RGS5: variants seen among roughly 807,000 people sequenced by gnomAD.
The protein encoded by RGS5 is regulator of G protein signaling 5.
In RGS5, 20 loss-of-function variants were observed where a neutral mutation model predicts 18.9. The observed-to-expected ratio is 1.06, with a 90% CI of 0.74 to 1.54. The LOEUF is 1.54. Ranked by LOEUF, RGS5 falls within the 40% of genes most tolerant of loss-of-function variation. The pLI, the probability that RGS5 is intolerant of heterozygous loss-of-function variation, is 0.00. For synonymous variants in RGS5, 57 were observed against 76.2 expected, an observed-to-expected ratio of 0.75 and a Z score of 1.31; for missense variants, 201 against 211.8, an observed-to-expected ratio of 0.95 and a Z score of 0.32.
chr1:163,147,201 G>A lies in RGS5; in HGVS notation c.*141C>T, dbSNP rs145740219. 662 of 832,918 alleles carry A rather than the reference G, an allele frequency of 7.9e-4. 1 individual carries two copies. The African/African-American group carries it at 0.01, about 13-fold the overall frequency. The allele number at this position is 832,918 out of a possible 1,614,324, so 51.6% of individuals were successfully genotyped here. On this transcript the variant is annotated 3_prime_UTR_variant, in exon 5 of 5. Coordinates refer to ENST00000313961, the MANE Select transcript of RGS5 (RefSeq NM_003617.4). ...ATCCAAAGCAGTGTGGGCAAAAAGA[G>A]TAAGCAACATCCCCTGGGATTTTTC...
At chr1:163,282,005 G>A (rs979417077) in intron 2 of RGS5, among the ~76,000 whole-genome samples, 2 of 151,848 alleles carry the variant, frequency 1.3e-5, no homozygotes, top group Non-Finnish European at 2.9e-5. Flanking sequence ...TATTGTTGTA[G>A]GCAAAGATAT....
At chr1:163,204,515 A>G (rs1159661845), upstream of RGS5, among the ~76,000 whole-genome samples, 1 of 152,100 alleles carries the variant, frequency 6.6e-6, no homozygotes, top group Non-Finnish European at 1.5e-5. Flanking sequence ...ATGCCTAGCT[A>G]GTTTTTAAAT....
chr1:163,283,495 G>C (rs1451995909), intron 2 of RGS5, among the ~76,000 whole-genome samples: 1 of 152,104 alleles, frequency 6.6e-6, no homozygotes, highest in Non-Finnish European at 1.5e-5. Context: ...TCTGTGATGT[G>C]CAGGCTCTAA....
Position 163,182,842 on chromosome 1 carries a change from A to AT in RGS5, c.45-14475dup, listed in dbSNP as rs1342996961. Among the ~76,000 whole-genome samples the AT allele has an allele frequency of 5.3e-5, 8 of 152,142 alleles. 1 individual carries two copies. Among genetic ancestry groups the AT allele is most frequent in the Admixed American group, 3.9e-4 (6 of 15,262 alleles). ...GTGTCTCCATGTCCTCCTGCTTTGA[A>AT]TTATACTGCGGGACTTTATAGACTG... On this transcript the variant is annotated intron_variant, in intron 1 of 4. Coordinates refer to ENST00000313961, the MANE Select transcript of RGS5 (RefSeq NM_003617.4).
chr1:163,280,369 G>C (rs74696436), intron 2 of RGS5, among the ~76,000 whole-genome samples: 5,151 of 152,062 alleles, frequency 0.034, 136 homozygotes, highest in Non-Finnish European at 0.056. Context: ...GCAATTCAAT[G>C]AATGTGATAA....
intron 2 of RGS5, chr1:163,266,724 C>G (rs956011236): frequency 6.6e-6 from 1 of 152,046 alleles, no homozygotes; most frequent in Non-Finnish European, 1.5e-5. Flanking sequence ...CTTGTCTGGA[C>G]TTATTTCACT....
intron 2 of RGS5, among the ~76,000 whole-genome samples, chr1:163,229,285 A>G (rs866901418): frequency 6.6e-6 from 1 of 152,218 alleles, no homozygotes; most frequent in Middle Eastern, 3.4e-3. Flanking sequence ...CAGGGGAGAG[A>G]ATGAGTGCAA....
At chr1:163,245,964 C>T (rs1647918400) in intron 2 of RGS5, among the ~76,000 whole-genome samples, 1 of 152,168 alleles carries the variant, frequency 6.6e-6, no homozygotes, top group Admixed American at 6.5e-5. Flanking sequence ...GCCTGTAATC[C>T]CAGCATTTTG....
chr1:163,151,731 C>T (rs1306622193), intron 4 of RGS5, among the ~76,000 whole-genome samples: 1 of 152,214 alleles, frequency 6.6e-6, no homozygotes, highest in Non-Finnish European at 1.5e-5. Context: ...CCATGCGGAA[C>T]TGTGAGTCAA....
intron 2 of RGS5, 151 bp from the exon 3 acceptor site, chr1:163,162,127 C>G (rs1267715055): frequency 1.6e-6 from 1 of 609,608 alleles, no homozygotes; most frequent in Admixed American, 2.9e-5. Flanking sequence ...TATTTTCTCT[C>G]TAACAATTGG....
At chr1:163,318,193 G>A (rs1418523007) in intron 1 of RGS5, among the ~76,000 whole-genome samples, 2 of 152,168 alleles carry the variant, frequency 1.3e-5, no homozygotes, top group Non-Finnish European at 2.9e-5. Context: ...TGAATGCGAA[G>A]TGGGTAGGAT....
chr1:163,253,872 T>C lies in RGS5; in HGVS notation c.-281+52361A>G, dbSNP rs185886237. On this transcript the variant is annotated intron_variant, in intron 2 of 5. Coordinates refer to the RGS5 transcript ENST00000618415. ...GTGTCCATGTGTTCTCATTGTTCAG[T>C]TCCTACCTATGAGTGAGAATATGCA... Among the ~76,000 whole-genome samples, 166 of 150,992 alleles carry C rather than the reference T, an allele frequency of 1.1e-3. 1 individual carries two copies. Among genetic ancestry groups the C allele is most frequent in the African/African-American group, 3.8e-3 (155 of 41,122 alleles).
intron 3 of RGS5, among the ~76,000 whole-genome samples, chr1:163,153,429 C>T (rs1260790907): frequency 6.6e-6 from 1 of 152,062 alleles, no homozygotes; most frequent in East Asian, 1.9e-4. Context: ...AAGGAAGTAA[C>T]ATTCAATTTG....
At chr1:163,213,577 G>A (rs972137578) in intron 1 of RGS5, among the ~76,000 whole-genome samples, 3 of 152,198 alleles carry the variant, frequency 2.0e-5, no homozygotes, top group African/African-American at 7.2e-5. Context: ...GCATTATGTG[G>A]CTACTGTTTA....
chr1:163,187,205 C>G (rs1205056521), intron 1 of RGS5, among the ~76,000 whole-genome samples: 3 of 152,104 alleles, frequency 2.0e-5, no homozygotes, highest in African/African-American at 7.2e-5. Flanking sequence ...CAGAAGATAA[C>G]AGATTAGAGG....
chr1:163,294,828 C>A (rs547894956), intron 2 of RGS5, among the ~76,000 whole-genome samples: 2 of 152,182 alleles, frequency 1.3e-5, no homozygotes, highest in Non-Finnish European at 2.9e-5. Flanking sequence ...CGGGTCACCT[C>A]TTGAATGCTT....
intron 2 of RGS5, among the ~76,000 whole-genome samples, chr1:163,162,236 G>A (rs78209786): frequency 0.014 from 2,073 of 152,170 alleles, 50 homozygotes; most frequent in African/African-American, 0.047. Context: ...AGTAGAGTTC[G>A]TTTGACATTA....
chr1:163,222,928 T>C (rs12123999), intron 2 of RGS5, among the ~76,000 whole-genome samples: 13,317 of 152,136 alleles, frequency 0.088, 651 homozygotes, highest in East Asian at 0.17. Context: ...GGCATGATCT[T>C]GACTCACTGC....
At chr1:163,172,553 C>A in intron 1 of RGS5, 1 of 1,549,622 alleles carries the variant, frequency 6.5e-7, no homozygotes, top group Non-Finnish European at 8.7e-7. Flanking sequence ...AGCAGACTAA[C>A]ATACCAGAAC....
Sources: allele counts gnomAD v4.1 joint callset (sites outside exome capture counted in the v4.1 genomes callset), GRCh38; gene constraint gnomAD v4.1.1; transcripts MANE v1.5; gene names NCBI Gene and HGNC (gene_info 2026-07-23, HGNC 2026-07-21).